The following GNB4 variants were observed in gnomAD, a reference collection of about 807,000 sequenced individuals.
GNB4 encodes the protein G protein subunit beta 4, also known as guanine nucleotide-binding protein subunit beta-4.
In GNB4, 28 loss-of-function variants were observed where a neutral mutation model predicts 45.2. That is an observed-to-expected ratio of 0.62 (90% CI 0.46 to 0.85). The LOEUF (loss-of-function observed/expected upper bound fraction) is 0.85. Among genes scored for constraint, GNB4 ranks in the 40% least tolerant of loss-of-function variants. GNB4 has a pLI of 0.00. For synonymous variants in GNB4, 132 were observed against 143.7 expected (o/e 0.92, Z 0.58); for missense variants, 321 against 425.4 (o/e 0.75, Z 2.16).
chr3:179,527,087 T>G, the GNB4 span, among the ~76,000 whole-genome samples: 8 of 152,032 alleles, frequency 5.3e-5, no homozygotes, highest in Non-Finnish European at 1.2e-4. Context: ...AGGCCACAGC[T>G]GGAGAGAGTG....
the GNB4 span, among the ~76,000 whole-genome samples, chr3:179,485,163 AC>A: frequency 6.6e-6 from 1 of 151,838 alleles, no homozygotes; most frequent in Admixed American, 6.6e-5. Context: ...GCCACCTGCC[AC>A]CACACCCGGC....
the GNB4 span, among the ~76,000 whole-genome samples, chr3:179,524,475 G>A: frequency 9.2e-4 from 140 of 152,378 alleles, no homozygotes; most frequent in African/African-American, 3.3e-3. Context: ...TGCTGGAGAT[G>A]TGGCTGGGTT....
intron 1 of GNB4, chr3:179,438,023 G>A (rs1373400567): frequency 6.6e-6 from 1 of 152,134 alleles, no homozygotes; most frequent in Non-Finnish European, 1.5e-5. Flanking sequence ...AGTGAGCTAC[G>A]ATTGTGCCAC....
At chr3:179,481,473 A>G in the GNB4 span, among the ~76,000 whole-genome samples, 2 of 151,762 alleles carry the variant, frequency 1.3e-5, no homozygotes, top group African/African-American at 4.8e-5. Context: ...CCATGCCCAT[A>G]GCTAAGCTTC....
At chr3:179,425,367 T>G (rs1330393074) in intron 2 of GNB4, among the ~76,000 whole-genome samples, 1 of 152,230 alleles carries the variant, frequency 6.6e-6, no homozygotes, top group Non-Finnish European at 1.5e-5. Context: ...TAGTGTCTGT[T>G]AATTTTGTTA....
In GNB4 at chr3:179,401,086, TG is replaced by T. The variant is rs543754699; in HGVS notation, c.*126del. On this transcript the variant is annotated 3_prime_UTR_variant, in exon 10 of 10. Coordinates refer to ENST00000232564, the MANE Select transcript of GNB4 (RefSeq NM_021629.4). ...TTTTTTTGGTAGTTTACTGAAAGCT[TG>T]TTTTTGTAGATAATCTAATAGAAAA... 1,170 of 578,192 alleles carry T rather than the reference TG, an allele frequency of 2.0e-3. 8 individuals are homozygous for T. The African/African-American group carries it at 0.021, about 10-fold the overall frequency. 35.8% of individuals were successfully genotyped at this position (578,192 alleles called of 1,614,324 possible). A position where few individuals can be genotyped will look rare whatever the true frequency, so the allele number is the denominator to read the frequency against.
At chr3:179,422,628 A>G (rs921841392) in intron 2 of GNB4, among the ~76,000 whole-genome samples, 1 of 152,200 alleles carries the variant, frequency 6.6e-6, no homozygotes, top group Admixed American at 6.5e-5. Flanking sequence ...CAAAGACATA[A>G]CAATTACACA....
chr3:179,425,768 C>T (rs1159308212), intron 2 of GNB4, among the ~76,000 whole-genome samples: 5 of 152,076 alleles, frequency 3.3e-5, no homozygotes, highest in African/African-American at 1.2e-4. Flanking sequence ...ACTGTGCCCA[C>T]CCTAATGATT....
the GNB4 span, among the ~76,000 whole-genome samples, chr3:179,502,603 G>T: frequency 3.2e-3 from 481 of 151,922 alleles, 2 homozygotes; most frequent in African/African-American, 0.011. Flanking sequence ...ATTTTCTAGT[G>T]TGCTATTGCT....
chr3:179,488,723 G>T, the GNB4 span, among the ~76,000 whole-genome samples: 1 of 151,778 alleles, frequency 6.6e-6, no homozygotes, highest in Non-Finnish European at 1.5e-5. Context: ...GGCGGTTCAG[G>T]CCTGTAATCT....
At chr3:179,454,052 G>C (rs1349062621), upstream of GNB4, among the ~76,000 whole-genome samples, 2 of 152,242 alleles carry the variant, frequency 1.3e-5, no homozygotes, top group South Asian at 2.1e-4. Flanking sequence ...GAGGCAGAGA[G>C]AAAGGTGAAG....
At position 179,396,515 on chromosome 3, in the gene GNB4, C is replaced by T. The variant is rs1714121389; in HGVS notation, c.*4698G>A. On this transcript the variant is annotated 3_prime_UTR_variant, in exon 10 of 10. Coordinates refer to ENST00000232564, the MANE Select transcript of GNB4 (RefSeq NM_021629.4). ...AAAGACAAAAGGCTTGAGATATCTA[C>T]CAAGTATATCACTGAAGTTCTATTA... 1 of 152,088 alleles carries T rather than the reference C, an allele frequency of 6.6e-6. No individual in the cohort carries two copies. The allele number at this position is 152,088 out of a possible 1,614,324, so 9.4% of individuals were successfully genotyped here.
the GNB4 span, among the ~76,000 whole-genome samples, chr3:179,502,273 G>A: frequency 2.6e-5 from 3 of 115,190 alleles, no homozygotes; most frequent in South Asian, 5.7e-4. Context: ...TTGCTCTGTC[G>A]CCCAGGCTGG....
the GNB4 span, among the ~76,000 whole-genome samples, chr3:179,460,512 A>T: frequency 6.6e-6 from 1 of 152,214 alleles, no homozygotes; most frequent in Non-Finnish European, 1.5e-5. Flanking sequence ...AAGAAAAAAA[A>T]GTTTGTCATC....
At chr3:179,448,981 C>T (rs1280367790) in intron 1 of GNB4, among the ~76,000 whole-genome samples, 1 of 152,054 alleles carries the variant, frequency 6.6e-6, no homozygotes, top group East Asian at 1.9e-4. Flanking sequence ...ATCAAGAAAC[C>T]ATTTTATTTT....
chr3:179,406,895 A>T lies in GNB4; in HGVS notation c.700-1489T>A, dbSNP rs1203292094. On this transcript the variant is annotated intron_variant, in intron 8 of 9. Coordinates refer to ENST00000232564, the MANE Select transcript of GNB4 (RefSeq NM_021629.4). ...CTCCCAAAGTACTGAGATTACGGGC[A>T]TAAGCCACAGCGCCTGGCCCCTCTT... Among the ~76,000 whole-genome samples, 86 of 152,266 alleles carry T rather than the reference A, an allele frequency of 5.6e-4. 1 individual carries two copies. The highest frequency in any genetic ancestry group is 1.9e-3 in the African/African-American group (79 of 41,578).
intron 4 of GNB4, among the ~76,000 whole-genome samples, chr3:179,417,988 T>G (rs931014306): frequency 6.6e-6 from 1 of 152,164 alleles, no homozygotes; most frequent in African/African-American, 2.4e-5. Flanking sequence ...CACGGATGGG[T>G]GGGAAGACTA....
chr3:179,502,424 G>A, the GNB4 span, among the ~76,000 whole-genome samples: 2 of 151,768 alleles, frequency 1.3e-5, no homozygotes, highest in African/African-American at 4.8e-5. Flanking sequence ...GTAGAGACAA[G>A]GTTTCACTAT....
rs200527279 is a variant in GNB4 at position 179,413,686 on chromosome 3, T to A, written c.497+29A>T. On this transcript the variant is annotated intron_variant, in intron 7 of 9. Transcript: ENST00000232564. Reference sequence around the variant, plus strand: ...GTTCCTGCTACCACCCTCAAACCCATAATCAGTGTGCTTCTGGAATAAACT... The same window carrying A: ...GTTCCTGCTACCACCCTCAAACCCAAAATCAGTGTGCTTCTGGAATAAACT... 35 of 1,610,518 alleles carry A rather than the reference T, an allele frequency of 2.2e-5. No individual in the cohort carries two copies. The South Asian group carries it at 3.7e-4, about 17-fold the overall frequency.
Sources: allele counts gnomAD v4.1 joint callset (sites outside exome capture counted in the v4.1 genomes callset), GRCh38; gene constraint gnomAD v4.1.1; transcripts MANE v1.5; gene names NCBI Gene and HGNC (gene_info 2026-07-23, HGNC 2026-07-21).